The following KLHL32 variants were observed in gnomAD, a reference collection of about 807,000 sequenced individuals.
KLHL32 encodes kelch like family member 32, also known as kelch-like protein 32.
A neutral mutation model predicts 64.8 loss-of-function variants in KLHL32; 35 were observed. That is an observed-to-expected ratio of 0.54 (90% CI 0.41 to 0.72). KLHL32 has a LOEUF of 0.72. KLHL32 is among the 30% of genes least tolerant of loss of function. The pLI, the probability that KLHL32 is intolerant of heterozygous loss-of-function variation, is 0.00. For synonymous variants in KLHL32, 259 were observed against 281.0 expected, an observed-to-expected ratio of 0.92 and a Z score of 0.78; for missense variants, 589 against 768.5, an observed-to-expected ratio of 0.77 and a Z score of 2.76.
chr6:96,912,355 T>G, the KLHL32 span, among the ~76,000 whole-genome samples: 1 of 152,198 alleles, frequency 6.6e-6, no homozygotes, highest in Admixed American at 6.5e-5. Flanking sequence ...TAAACCTTGC[T>G]TCTCAGTTCG....
chr6:96,933,201 C>T (rs1488721135), intron 1 of KLHL32, among the ~76,000 whole-genome samples: 2 of 152,142 alleles, frequency 1.3e-5, no homozygotes, highest in Non-Finnish European at 2.9e-5. Context: ...CTCCTGGACC[C>T]AGTAAGGGAT....
chr6:97,041,275 T>G (rs772182621), intron 3 of KLHL32, among the ~76,000 whole-genome samples: 4 of 152,238 alleles, frequency 2.6e-5, no homozygotes, highest in Non-Finnish European at 5.9e-5. Flanking sequence ...CTGTATATGG[T>G]GAGGAATGCC....
intron 3 of KLHL32, among the ~76,000 whole-genome samples, chr6:97,000,290 G>C (rs1778877466): frequency 6.6e-6 from 1 of 152,158 alleles, no homozygotes; most frequent in Admixed American, 6.5e-5. Context: ...GTGGTCCATG[G>C]ATAAGTGCCA....
intron 4 of KLHL32, among the ~76,000 whole-genome samples, chr6:97,056,991 A>C (rs183898799): frequency 2.0e-5 from 3 of 152,308 alleles, no homozygotes; most frequent in African/African-American, 7.2e-5. Context: ...ATAAAACTCT[A>C]TTTATACTTA....
intron 7 of KLHL32, among the ~76,000 whole-genome samples, chr6:97,118,400 C>T (rs891173354): frequency 2.6e-5 from 4 of 152,018 alleles, no homozygotes; most frequent in Non-Finnish European, 4.4e-5. Flanking sequence ...GGGCGGATCG[C>T]CTGAGATTAG....
At chr6:97,136,157 G>A (rs978121858) in intron 10 of KLHL32, among the ~76,000 whole-genome samples, 7 of 152,150 alleles carry the variant, frequency 4.6e-5, no homozygotes, top group Non-Finnish European at 1.0e-4. Flanking sequence ...TACTTAAATA[G>A]TTCTGAGATT....
intron 6 of KLHL32, among the ~76,000 whole-genome samples, chr6:97,097,501 G>C (rs1795142714): frequency 6.6e-6 from 1 of 152,152 alleles, no homozygotes; most frequent in African/African-American, 2.4e-5. Flanking sequence ...TAGTTTGGCT[G>C]TCAATCATTG....
At chr6:96,945,641 G>C (rs1771828679) in intron 1 of KLHL32, among the ~76,000 whole-genome samples, 1 of 152,222 alleles carries the variant, frequency 6.6e-6, no homozygotes, top group African/African-American at 2.4e-5. Flanking sequence ...ATGGGATCCT[G>C]AGTGCACAAC....
At chr6:96,944,039 C>T (rs182213710) in intron 1 of KLHL32, among the ~76,000 whole-genome samples, 2 of 152,290 alleles carry the variant, frequency 1.3e-5, no homozygotes, top group South Asian at 2.1e-4. Context: ...TAGTTCACCA[C>T]CAGCATTAAT....
upstream of KLHL32, among the ~76,000 whole-genome samples, chr6:96,921,690 T>C (rs1432916767): frequency 6.6e-6 from 1 of 152,190 alleles, no homozygotes; most frequent in Non-Finnish European, 1.5e-5. Context: ...CTATCAGGAA[T>C]TGAACAAAGA....
chr6:97,087,231 A>C (rs1204179239), intron 6 of KLHL32, among the ~76,000 whole-genome samples: 9 of 152,254 alleles, frequency 5.9e-5, no homozygotes, highest in Admixed American at 1.3e-4. Context: ...TTAGTAAATA[A>C]GTATTTCCCT....
chr6:96,993,512 C>T (rs910955241), intron 3 of KLHL32, among the ~76,000 whole-genome samples: 7 of 152,138 alleles, frequency 4.6e-5, no homozygotes, highest in African/African-American at 1.4e-4. Flanking sequence ...CCCTGCTGGC[C>T]GAGCAAGTCA....
Position 97,085,226 on chromosome 6 carries a change from T to C in KLHL32, c.512T>C (p.Leu171Pro), listed in dbSNP as rs1180256448. 3 of 1,613,974 alleles carry C rather than the reference T, an allele frequency of 1.9e-6. No individual in the cohort carries two copies. Among genetic ancestry groups the C allele is most frequent in the Non-Finnish European group, 2.5e-6 (3 of 1,180,034 alleles). ...KAVIDFLVKHLSELLKSRPEE... is the reference protein window; with the variant it reads ...KAVIDFLVKHPSELLKSRPEE... ...GTGATCGATTTCTTAGTGAAACATCTCTCTGAACTCCTGAAGAGCCGCCCA... is the reference window on the plus strand; with the variant it reads ...GTGATCGATTTCTTAGTGAAACATCCCTCTGAACTCCTGAAGAGCCGCCCA... The change falls in exon 6 of 11, where the codon CTC becomes CCC. Residue 171 changes from leucine (L) to proline (P), a missense_variant. Physicochemically the swap from Leu to Pro is moderately conservative, Grantham distance 98. Coordinates refer to ENST00000369261, the MANE Select transcript of KLHL32 (RefSeq NM_052904.4).
intron 6 of KLHL32, among the ~76,000 whole-genome samples, chr6:97,086,959 G>T (rs565261520): frequency 6.6e-6 from 1 of 152,170 alleles, no homozygotes; most frequent in South Asian, 2.1e-4. Context: ...TTTTTGTGGC[G>T]CAGTTGAAGG....
intron 10 of KLHL32, among the ~76,000 whole-genome samples, chr6:97,136,173 A>G (rs923935962): frequency 3.3e-5 from 5 of 152,330 alleles, no homozygotes; most frequent in South Asian, 2.1e-4. Context: ...AGATTGTTCT[A>G]TTAACATTTG....
intron 4 of KLHL32, among the ~76,000 whole-genome samples, chr6:97,046,656 C>T (rs1423536799): frequency 6.6e-6 from 1 of 152,010 alleles, no homozygotes; most frequent in Non-Finnish European, 1.5e-5. Context: ...ATCTATTTTC[C>T]CTTTGAGACA....
upstream of KLHL32, among the ~76,000 whole-genome samples, chr6:96,921,682 A>G (rs909344525): frequency 6.6e-6 from 1 of 152,222 alleles, no homozygotes; most frequent in African/African-American, 2.4e-5. Flanking sequence ...GGAGGCAGCT[A>G]TCAGGAATTG....
chr6:97,138,387 A>C (rs960575623), intron 10 of KLHL32, among the ~76,000 whole-genome samples: 1 of 152,120 alleles, frequency 6.6e-6, no homozygotes, highest in South Asian at 2.1e-4. Flanking sequence ...GAAAATTTAC[A>C]GATTAGCTAG....
intron 4 of KLHL32, among the ~76,000 whole-genome samples, chr6:97,044,767 C>T (rs1276800914): frequency 6.6e-6 from 1 of 151,854 alleles, no homozygotes; most frequent in Non-Finnish European, 1.5e-5. Context: ...GGACTTCATC[C>T]ATTTCTTCTA....
Sources: allele counts gnomAD v4.1 joint callset (sites outside exome capture counted in the v4.1 genomes callset), GRCh38; gene constraint gnomAD v4.1.1; transcripts MANE v1.5; gene names NCBI Gene and HGNC (gene_info 2026-07-23, HGNC 2026-07-21).